Variants in KCNT2 observed in about 807,000 individuals in gnomAD.
The protein encoded by KCNT2 is potassium channel subfamily T member 2.
In KCNT2, 67 loss-of-function variants were observed where a neutral mutation model predicts 153.8. The observed-to-expected ratio is 0.44, with a 90% CI of 0.36 to 0.53. The LOEUF (loss-of-function observed/expected upper bound fraction) is 0.53, where lower values mean the gene tolerates loss of function less well. Among genes scored for constraint, KCNT2 ranks in the 20% least tolerant of loss-of-function variants. The pLI is 0.00. For missense variants in KCNT2, 975 were observed against 1,354.8 expected (o/e 0.72, Z 4.40); for synonymous variants, 500 against 458.8 (o/e 1.09, Z -1.15).
chr1:196,450,581 T>C (rs1332410763), intron 8 of KCNT2, among the ~76,000 whole-genome samples: 1 of 151,896 alleles, frequency 6.6e-6, no homozygotes, highest in Non-Finnish European at 1.5e-5. Context: ...TTTTTTGTCC[T>C]CACACCTTAT....
chr1:196,340,287 T>C, intron 16 of KCNT2, 54 bp downstream of exon 16: 1 of 1,084,776 alleles, frequency 9.2e-7, no homozygotes, highest in South Asian at 1.7e-5. Flanking sequence ...GTATTTATCA[T>C]TATTTTTTAT....
chr1:196,563,724 A>G (rs1288430275), intron 1 of KCNT2, among the ~76,000 whole-genome samples: 1 of 151,980 alleles, frequency 6.6e-6, no homozygotes, highest in African/African-American at 2.4e-5. Context: ...TGCAAATCAA[A>G]AACTGTGATA....
At chr1:196,549,834 G>T (rs557849067) in intron 1 of KCNT2, among the ~76,000 whole-genome samples, 1 of 151,948 alleles carries the variant, frequency 6.6e-6, no homozygotes, top group Admixed American at 6.6e-5. Flanking sequence ...TAAACAGCAA[G>T]CTATAAAACA....
intron 3 of KCNT2, among the ~76,000 whole-genome samples, chr1:196,489,464 G>C (rs538845468): frequency 6.6e-6 from 1 of 152,058 alleles, no homozygotes; most frequent in African/African-American, 2.4e-5. Flanking sequence ...CTTATGAGGA[G>C]ATTACAATGT....
intron 25 of KCNT2, among the ~76,000 whole-genome samples, chr1:196,275,064 A>C (rs1571874051): frequency 6.6e-6 from 1 of 152,060 alleles, no homozygotes; most frequent in East Asian, 1.9e-4. Flanking sequence ...GAATAAGTAA[A>C]CATTATAAAT....
chr1:196,260,982 G>C (rs1382579910), intron 25 of KCNT2, among the ~76,000 whole-genome samples: 1 of 151,476 alleles, frequency 6.6e-6, no homozygotes. Context: ...AATAACACTA[G>C]CAACAAACGT....
At chr1:196,266,376 C>T (rs180689158) in intron 25 of KCNT2, among the ~76,000 whole-genome samples, 1 of 152,236 alleles carries the variant, frequency 6.6e-6, no homozygotes, top group African/African-American at 2.4e-5. Flanking sequence ...GTGATTATCA[C>T]ATATAAAATA....
At chr1:196,423,327 CTT>C (rs1463347743) in intron 11 of KCNT2, among the ~76,000 whole-genome samples, 1 of 151,720 alleles carries the variant, frequency 6.6e-6, no homozygotes, top group East Asian at 1.9e-4. Flanking sequence ...TCTATTATAA[CTT>C]AATGTTTTAT....
chr1:196,472,171 C>T (rs1678159518), intron 5 of KCNT2, among the ~76,000 whole-genome samples: 1 of 152,096 alleles, frequency 6.6e-6, no homozygotes, highest in Admixed American at 6.6e-5. Context: ...TGTTGGGGCT[C>T]AATTAATATC....
At chr1:196,451,760 TTTG>T in intron 8 of KCNT2, among the ~76,000 whole-genome samples, 1 of 152,030 alleles carries the variant, frequency 6.6e-6, no homozygotes, top group Middle Eastern at 3.4e-3. Context: ...CTAATCTGTA[TTTG>T]TTATTTAAAT....
chr1:196,446,602 A>C (rs927484287), intron 8 of KCNT2, among the ~76,000 whole-genome samples: 1 of 151,552 alleles, frequency 6.6e-6, no homozygotes, highest in African/African-American at 2.4e-5. Flanking sequence ...TGGAAGTTAA[A>C]TAAGCCTTCT....
At chr1:196,393,740 G>A (rs1278870344) in intron 13 of KCNT2, among the ~76,000 whole-genome samples, 3 of 151,334 alleles carry the variant, frequency 2.0e-5, no homozygotes, top group East Asian at 3.9e-4. Context: ...CCCTTTAATC[G>A]TGGTTTGCAA....
At chr1:196,543,481 G>A (rs1656654347) in intron 1 of KCNT2, among the ~76,000 whole-genome samples, 1 of 152,052 alleles carries the variant, frequency 6.6e-6, no homozygotes, top group Admixed American at 6.6e-5. Flanking sequence ...ATCTGTGAAA[G>A]TAGATGTAGA....
At chr1:196,262,850 C>T (rs1449820550) in intron 25 of KCNT2, among the ~76,000 whole-genome samples, 1 of 151,990 alleles carries the variant, frequency 6.6e-6, no homozygotes, top group Non-Finnish European at 1.5e-5. Context: ...GCTGTGTTTT[C>T]AACCACCTCA....
At chr1:196,374,395 T>G (rs965313805) in intron 13 of KCNT2, among the ~76,000 whole-genome samples, 1 of 151,856 alleles carries the variant, frequency 6.6e-6, no homozygotes, top group Admixed American at 6.6e-5. Context: ...GTACATGAGA[T>G]AGCATACTAC....
At chr1:196,351,420 G>T (rs972920423) in intron 14 of KCNT2, among the ~76,000 whole-genome samples, 1 of 151,882 alleles carries the variant, frequency 6.6e-6, no homozygotes. Flanking sequence ...GGTCCTTCAC[G>T]TCCCTTGTAA....
At chr1:196,307,334 A>G (rs1661726755) in intron 21 of KCNT2, among the ~76,000 whole-genome samples, 1 of 152,100 alleles carries the variant, frequency 6.6e-6, no homozygotes, top group Admixed American at 6.6e-5. Flanking sequence ...GAATCTCTAT[A>G]CTACGAAATC....
At chr1:196,235,776 T>A (rs1470609891) in intron 27 of KCNT2, among the ~76,000 whole-genome samples, 1 of 151,512 alleles carries the variant, frequency 6.6e-6, no homozygotes, top group African/African-American at 2.4e-5. Flanking sequence ...TTCATGCTGC[T>A]ATTTCTTTAT....
At chr1:196,489,778 T>C in intron 3 of KCNT2, 60 bp downstream of exon 3, 1 of 918,406 alleles carries the variant, frequency 1.1e-6, no homozygotes, top group South Asian at 1.6e-5. Flanking sequence ...AAATTTAAAA[T>C]GTGATACAAC....
Sources: gnomAD v4.1 joint callset for allele counts (sites outside exome capture counted in the v4.1 genomes callset) on GRCh38, gnomAD v4.1.1 for gene constraint, MANE v1.5 for transcripts, NCBI Gene and HGNC (gene_info 2026-07-23, HGNC 2026-07-21) for gene names.